The following PTK2 variants were observed in gnomAD, a reference collection of about 807,000 sequenced individuals.
PTK2 encodes the protein focal adhesion kinase 1.
PTK2 carries 45 observed loss-of-function variants against 150.1 expected under a neutral mutation model. The observed-to-expected ratio is 0.30, with a 90% CI of 0.24 to 0.38. The LOEUF is 0.38. Among genes scored for constraint, PTK2 ranks in the 10% least tolerant of loss-of-function variants. The pLI is 1.00. For synonymous variants in PTK2, 432 were observed against 449.2 expected (o/e 0.96, Z 0.48); for missense variants, 919 against 1,307.3 (o/e 0.70, Z 4.58).
chr8:140,665,567 A>G (rs2090283668), intron 30 of PTK2, among the ~76,000 whole-genome samples: 1 of 152,194 alleles, frequency 6.6e-6, no homozygotes, highest in South Asian at 2.1e-4. Flanking sequence ...AGTTGCAGCA[A>G]AAAGGGTCTA....
At chr8:140,759,630 G>A (rs552045684) in intron 16 of PTK2, among the ~76,000 whole-genome samples, 1 of 151,746 alleles carries the variant, frequency 6.6e-6, no homozygotes, top group East Asian at 1.9e-4. Flanking sequence ...GTCAAGACAG[G>A]AGGATCACCT....
At chr8:140,931,889 G>A (rs1192355582) in intron 1 of PTK2, among the ~76,000 whole-genome samples, 3 of 141,920 alleles carry the variant, frequency 2.1e-5, no homozygotes, top group Non-Finnish European at 4.5e-5. Context: ...GCCATGATTG[G>A]GCCACTGCAC....
Position 140,896,796 on chromosome 8 carries a change from GGGGGT to G in PTK2, c.-32-6032_-32-6028del, listed in dbSNP as rs1189550555. Among the ~76,000 whole-genome samples the G allele has an allele frequency of 8.5e-3, 1,080 of 127,700 alleles. 27 individuals are homozygous for G. Among genetic ancestry groups the G allele is most frequent in the South Asian group, 0.04 (158 of 3,932 alleles). 83.8% of individuals were successfully genotyped at this position (127,700 alleles called of 152,430 possible). ...CCTTCCCCCCAAAAAAACGGGGGGG[GGGGGT>G]GGGTAAAACATAAACATTGGGAAAG... is the stretch of plus-strand genomic sequence containing the variant. On this transcript the variant is annotated intron_variant, in intron 2 of 31. Coordinates refer to ENST00000522684, the Ensembl canonical transcript of PTK2.
intron 14 of PTK2, among the ~76,000 whole-genome samples, chr8:140,769,370 T>G (rs1013816595): frequency 3.9e-5 from 6 of 152,214 alleles, no homozygotes; most frequent in African/African-American, 1.4e-4. Flanking sequence ...CAACTCAAAC[T>G]TACCACTAAA....
chr8:140,850,318 C>T (rs1267011549), intron 5 of PTK2, among the ~76,000 whole-genome samples: 3 of 151,650 alleles, frequency 2.0e-5, no homozygotes, highest in East Asian at 1.9e-4. Flanking sequence ...CCCAGGTACT[C>T]GGGAGGCTAA....
chr8:140,772,703 AAACT>A (rs1049446525), intron 14 of PTK2, among the ~76,000 whole-genome samples: 47 of 152,214 alleles, frequency 3.1e-4, no homozygotes, highest in African/African-American at 1.0e-3. Flanking sequence ...TTCAAGGAAA[AAACT>A]AACAACAACA....
intron 4 of PTK2, among the ~76,000 whole-genome samples, chr8:140,875,831 A>C (rs2100145163): frequency 6.6e-6 from 1 of 152,148 alleles, no homozygotes; most frequent in African/African-American, 2.4e-5. Context: ...AAAGAGAAGA[A>C]AACAGGTTAC....
chr8:140,768,444 T>C (rs939256032), intron 14 of PTK2, among the ~76,000 whole-genome samples: 1 of 152,208 alleles, frequency 6.6e-6, no homozygotes, highest in African/African-American at 2.4e-5. Context: ...CAACAACCAC[T>C]TGAGACCTTT....
chr8:140,702,541 C>A (rs375495900), intron 25 of PTK2, 29 bp downstream of exon 28: 36 of 1,609,872 alleles, frequency 2.2e-5, no homozygotes, highest in Non-Finnish European at 3.0e-5. Flanking sequence ...TATAAGTTAA[C>A]AAACTGAAGC....
At chr8:140,896,026 TATAA>T (rs906251190) in intron 2 of PTK2, among the ~76,000 whole-genome samples, 1 of 151,950 alleles carries the variant, frequency 6.6e-6, no homozygotes, top group Admixed American at 6.6e-5. Context: ...AAGAAGAGAA[TATAA>T]TAAGAGGTAA....
At chr8:140,842,788 C>T (rs1212857534) in intron 7 of PTK2, among the ~76,000 whole-genome samples, 6 of 152,114 alleles carry the variant, frequency 3.9e-5, no homozygotes, top group Non-Finnish European at 7.4e-5. Flanking sequence ...CCTAGAACTA[C>T]AATAAACTAA....
chr8:140,717,732 T>C, intron 22 of PTK2, 23 bp from the exon 26 acceptor site: 1 of 1,592,332 alleles, frequency 6.3e-7, no homozygotes, highest in Non-Finnish European at 8.6e-7. Context: ...CACATTGTCT[T>C]AGGGGAGCTG....
At chr8:140,807,545 G>A (rs1434849884) in intron 10 of PTK2, among the ~76,000 whole-genome samples, 2 of 152,138 alleles carry the variant, frequency 1.3e-5, no homozygotes, top group African/African-American at 2.4e-5. Flanking sequence ...AATCTGAGAT[G>A]TGCTGTTCAA....
intron 2 of PTK2, among the ~76,000 whole-genome samples, chr8:140,901,649 CT>C (rs556569172): frequency 0.013 from 1,775 of 136,438 alleles, 33 homozygotes; most frequent in African/African-American, 0.036. Flanking sequence ...AAGATCCTGT[CT>C]TTTTTTTTTT....
chr8:140,962,818 C>T (rs1242711301), intron 1 of PTK2, among the ~76,000 whole-genome samples: 1 of 151,554 alleles, frequency 6.6e-6, no homozygotes, highest in Admixed American at 6.6e-5. Context: ...CCTTTCCCAG[C>T]ATTAGTGACA....
At position 140,985,543 on chromosome 8, in the gene PTK2, T is replaced by C. The variant is rs376424284; in HGVS notation, c.-122+15582A>G. Reference sequence around the variant, plus strand: ...TCATCAACATCCAGGCTTTTGCCCATGTTTTTCTTCTCCCTAGAACCTTTT... The same window carrying C: ...TCATCAACATCCAGGCTTTTGCCCACGTTTTTCTTCTCCCTAGAACCTTTT... On this transcript the variant is annotated intron_variant, in intron 1 of 31. Transcript: ENST00000522684. Among the ~76,000 whole-genome samples the C allele has an allele frequency of 3.2e-4, 49 of 152,334 alleles. 3 individuals are homozygous for C. The highest frequency in any genetic ancestry group is 1.2e-3 in the African/African-American group (48 of 41,572).
At chr8:140,744,974 TATC>T (rs2100057875) in intron 18 of PTK2, among the ~76,000 whole-genome samples, 1 of 152,304 alleles carries the variant, frequency 6.6e-6, no homozygotes, top group African/African-American at 2.4e-5. Flanking sequence ...TTTGAAATCC[TATC>T]ATGAAATTAA....
At chr8:140,839,991 G>GA (rs146351567) in intron 7 of PTK2, among the ~76,000 whole-genome samples, 1 of 152,048 alleles carries the variant, frequency 6.6e-6, no homozygotes. Context: ...ACAGTGTTGA[G>GA]AAAAAAACAA....
chr8:140,881,430 C>G (rs2100148987), intron 3 of PTK2, among the ~76,000 whole-genome samples: 2 of 152,130 alleles, frequency 1.3e-5, no homozygotes. Context: ...TCCTGGTTCC[C>G]TGTCCAGCTC....
Sources: gnomAD v4.1 joint callset for allele counts (sites outside exome capture counted in the v4.1 genomes callset) on GRCh38, gnomAD v4.1.1 for gene constraint, MANE v1.5 for transcripts, NCBI Gene and HGNC (gene_info 2026-07-23, HGNC 2026-07-21) for gene names.